BRINP3: variants seen among roughly 807,000 people sequenced by gnomAD.
BRINP3 encodes BMP/retinoic acid inducible neural specific 3, also known as BMP/retinoic acid-inducible neural-specific protein 3.
Under a neutral mutation model 71.0 loss-of-function variants are expected in BRINP3, and 19 were observed. That is an observed-to-expected ratio of 0.27 (90% CI 0.19 to 0.39). BRINP3 has a LOEUF of 0.39. BRINP3 is among the 10% of genes least tolerant of loss of function. The probability of loss-of-function intolerance (pLI) is 1.00; values close to 1 mark genes in which losing one functional copy is unlikely to be tolerated. For missense variants in BRINP3, 959 were observed against 940.8 expected (o/e 1.02, Z -0.25); for synonymous variants, 380 against 337.7 (o/e 1.13, Z -1.37).
chr1:190,451,202 T>C (rs927959491), intron 2 of BRINP3, among the ~76,000 whole-genome samples: 1 of 152,192 alleles, frequency 6.6e-6, no homozygotes, highest in African/African-American at 2.4e-5. Context: ...AAAAAATTTT[T>C]GTTTTGAGTC....
chr1:190,334,323 A>G (rs1667151159), intron 2 of BRINP3, among the ~76,000 whole-genome samples: 1 of 151,840 alleles, frequency 6.6e-6, no homozygotes, highest in African/African-American at 2.4e-5. Flanking sequence ...ATATGTGAAT[A>G]ATTATTTCCT....
intron 2 of BRINP3, among the ~76,000 whole-genome samples, chr1:190,379,257 T>G (rs529035173): frequency 6.6e-6 from 1 of 152,294 alleles, no homozygotes; most frequent in African/African-American, 2.4e-5. Flanking sequence ...TAAATATGTG[T>G]TTATTGAGGA....
chr1:190,355,853 G>T (rs1370611761), intron 2 of BRINP3, among the ~76,000 whole-genome samples: 2 of 151,746 alleles, frequency 1.3e-5, no homozygotes, highest in African/African-American at 4.8e-5. Context: ...TCAAGTTTCA[G>T]GTTTCAGATA....
At chr1:190,191,623 T>C (rs1558050328) in intron 6 of BRINP3, among the ~76,000 whole-genome samples, 2 of 152,280 alleles carry the variant, frequency 1.3e-5, no homozygotes, top group Admixed American at 6.5e-5. Flanking sequence ...CCATGGTGTA[T>C]ATGTGCCACA....
At chr1:190,215,691 G>A (rs921650466) in intron 6 of BRINP3, among the ~76,000 whole-genome samples, 4 of 151,800 alleles carry the variant, frequency 2.6e-5, no homozygotes, top group African/African-American at 9.7e-5. Context: ...GTGTCAAAAT[G>A]GATAGTGTTC....
intron 2 of BRINP3, among the ~76,000 whole-genome samples, chr1:190,437,961 AAAAC>A: frequency 6.6e-6 from 1 of 151,660 alleles, no homozygotes; most frequent in African/African-American, 2.4e-5. Flanking sequence ...AAGTAATTCT[AAAAC>A]AAATATCAGT....
chr1:190,306,524 T>G (rs74129275), intron 2 of BRINP3, among the ~76,000 whole-genome samples: 242 of 152,054 alleles, frequency 1.6e-3, no homozygotes, highest in African/African-American at 5.5e-3. Context: ...GTAATAGAAT[T>G]ATTTGTTGAA....
chr1:190,303,032 G>T (rs1463265951), intron 2 of BRINP3, among the ~76,000 whole-genome samples: 1 of 151,676 alleles, frequency 6.6e-6, no homozygotes, highest in East Asian at 1.9e-4. Flanking sequence ...CCTTCAAAAT[G>T]AATGGGGGAT....
At chr1:190,167,613 C>G (rs1041416500) in intron 6 of BRINP3, among the ~76,000 whole-genome samples, 1 of 152,054 alleles carries the variant, frequency 6.6e-6, no homozygotes, top group Non-Finnish European at 1.5e-5. Context: ...AGCTTTGACC[C>G]CAGGATTGAA....
chr1:190,342,474 T>C (rs1472396334), intron 2 of BRINP3: 1 of 151,572 alleles, frequency 6.6e-6, no homozygotes, highest in Non-Finnish European at 1.5e-5. Flanking sequence ...CTGGAGTCTT[T>C]TGCTATTTTA....
intron 6 of BRINP3, among the ~76,000 whole-genome samples, chr1:190,199,362 A>G (rs892870003): frequency 6.6e-6 from 1 of 152,104 alleles, no homozygotes; most frequent in African/African-American, 2.4e-5. Context: ...CTGGAGGTAC[A>G]ATGAATTTGA....
At chr1:190,375,315 G>A (rs760521640) in intron 2 of BRINP3, among the ~76,000 whole-genome samples, 5 of 151,692 alleles carry the variant, frequency 3.3e-5, no homozygotes, top group Non-Finnish European at 5.9e-5. Context: ...GTGTATGTGT[G>A]TATATTCAAT....
intron 4 of BRINP3, among the ~76,000 whole-genome samples, chr1:190,244,396 T>C (rs1209549698): frequency 2.0e-5 from 3 of 152,140 alleles, no homozygotes; most frequent in Non-Finnish European, 2.9e-5. Flanking sequence ...GCTCGATTGA[T>C]ACTCACCTAG....
chr1:190,152,747 C>T (rs1191778649), intron 7 of BRINP3, among the ~76,000 whole-genome samples: 1 of 151,900 alleles, frequency 6.6e-6, no homozygotes, highest in African/African-American at 2.4e-5. Flanking sequence ...AAAGCAAGCA[C>T]AACACTATAT....
intron 2 of BRINP3, 64 bp from the exon 3 acceptor site, chr1:190,281,814 C>A (rs1663063392): frequency 1.4e-6 from 2 of 1,480,200 alleles, no homozygotes; most frequent in Non-Finnish European, 1.8e-6. Flanking sequence ...CATTTGAGTT[C>A]ACTTGGTAGC....
intron 1 of BRINP3, among the ~76,000 whole-genome samples, chr1:190,456,652 G>A (rs967368158): frequency 1.3e-5 from 2 of 151,790 alleles, no homozygotes; most frequent in African/African-American, 4.8e-5. Context: ...ATTCTTATGT[G>A]TAGTGGTATA....
intron 6 of BRINP3, among the ~76,000 whole-genome samples, chr1:190,190,962 T>C (rs985771522): frequency 3.3e-5 from 5 of 152,270 alleles, no homozygotes; most frequent in East Asian, 1.9e-4. Flanking sequence ...GCAGATATTA[T>C]AGGCATTATG....
intron 2 of BRINP3, among the ~76,000 whole-genome samples, chr1:190,388,600 T>A (rs770032925): frequency 4.0e-5 from 6 of 151,754 alleles, no homozygotes; most frequent in Non-Finnish European, 1.5e-5. Flanking sequence ...AGAAGTATCC[T>A]CCTCCATGTC....
chr1:190,385,838 C>A (rs1192676084), intron 2 of BRINP3, among the ~76,000 whole-genome samples: 2 of 149,968 alleles, frequency 1.3e-5, no homozygotes, highest in Non-Finnish European at 3.0e-5. Flanking sequence ...ACCCAAATGT[C>A]CAACAATGAT....
Sources: gnomAD v4.1 joint callset for allele counts (sites outside exome capture counted in the v4.1 genomes callset) on GRCh38, gnomAD v4.1.1 for gene constraint, MANE v1.5 for transcripts, NCBI Gene and HGNC (gene_info 2026-07-23, HGNC 2026-07-21) for gene names.